Variants in GPC4 observed in about 807,000 individuals in gnomAD.
The protein encoded by GPC4 is glypican 4.
Under a neutral mutation model 35.0 loss-of-function variants are expected in GPC4, and 10 were observed. That is an observed-to-expected ratio of 0.29 (90% CI 0.18 to 0.48). The LOEUF is 0.48. Ranked by LOEUF, GPC4 falls within the 20% of genes least tolerant of loss-of-function variation. The probability of loss-of-function intolerance (pLI) is 0.99; values close to 1 mark genes in which losing one functional copy is unlikely to be tolerated. For missense variants in GPC4, 322 were observed against 451.3 expected (o/e 0.71, Z 2.60); for synonymous variants, 167 against 170.2 (o/e 0.98, Z 0.15).
At chrX:133,315,436 T>G (rs1266681949) in intron 3 of GPC4, among the ~76,000 whole-genome samples, 1 of 110,467 alleles carries the variant, frequency 9.1e-6, no homozygotes, top group Non-Finnish European at 1.9e-5. Flanking sequence ...CTCTCCACAC[T>G]ATTAGGGGCA....
intron 3 of GPC4, among the ~76,000 whole-genome samples, chrX:133,319,842 T>C (rs755325687): frequency 3.2e-4 from 36 of 111,829 alleles, no homozygotes; most frequent in African/African-American, 1.0e-3. Context: ...ATCTCAAATT[T>C]TTTAACTGGC....
chrX:133,323,012 C>G (rs1443235306), intron 3 of GPC4, among the ~76,000 whole-genome samples: 1 of 111,425 alleles, frequency 9.0e-6, no homozygotes, highest in African/African-American at 3.3e-5. Context: ...AGCAGTGGAA[C>G]CCCTTTCCCC....
At chrX:133,309,961 T>C (rs2068307271) in intron 4 of GPC4, among the ~76,000 whole-genome samples, 1 of 112,108 alleles carries the variant, frequency 8.9e-6, no homozygotes, top group Non-Finnish European at 1.9e-5. Flanking sequence ...TGCTTTTCTG[T>C]GTGTAGAAGA....
At chrX:133,330,526 G>GT (rs111833370) in intron 2 of GPC4, among the ~76,000 whole-genome samples, 1 of 111,039 alleles carries the variant, frequency 9.0e-6, no homozygotes, top group Admixed American at 9.6e-5. Context: ...TTTTTTGTTT[G>GT]TTTTTTTAAA....
intron 2 of GPC4, among the ~76,000 whole-genome samples, chrX:133,335,685 A>G (rs888939196): frequency 1.1e-4 from 12 of 112,685 alleles, no homozygotes; most frequent in African/African-American, 3.5e-4. Context: ...AATGATGGAA[A>G]ACTGGGATAA....
intron 1 of GPC4, among the ~76,000 whole-genome samples, chrX:133,365,244 T>A (rs2068584954): frequency 8.9e-6 from 1 of 111,846 alleles, no homozygotes; most frequent in Non-Finnish European, 1.9e-5. Context: ...ACCTAATTTT[T>A]AAAACTTCAT....
intron 3 of GPC4, among the ~76,000 whole-genome samples, chrX:133,318,839 T>G (rs2068350872): frequency 8.9e-6 from 1 of 112,333 alleles, no homozygotes; most frequent in Admixed American, 9.4e-5. Context: ...TGTTACTAAT[T>G]AAAGGGGCTT....
intron 1 of GPC4, among the ~76,000 whole-genome samples, chrX:133,364,260 C>G (rs1391192029): frequency 8.9e-6 from 1 of 111,905 alleles, no homozygotes; most frequent in Non-Finnish European, 1.9e-5. Flanking sequence ...AACCCCCACC[C>G]CAGTATAGGG....
chrX:133,415,327 G>A lies in GPC4; in HGVS notation c.-362C>T, dbSNP rs2068833931. 2 of 207,054 alleles carry A rather than the reference G, an allele frequency of 9.7e-6. No individual in the cohort carries two copies. Among genetic ancestry groups the A allele is most frequent in the East Asian group, 1.3e-4 (1 of 7,694 alleles). The allele number at this position is 207,054 out of a possible 1,213,427, so 17.1% of individuals were successfully genotyped here. ...GGACGCGGGGAAGGAGGGAAGGGTGGCAGGCGCCGCGGGGACCGCAGAGGG... is the reference window on the plus strand; with the variant it reads ...GGACGCGGGGAAGGAGGGAAGGGTGACAGGCGCCGCGGGGACCGCAGAGGG... On this transcript the variant is annotated 5_prime_UTR_variant, in exon 1 of 9. Transcript: ENST00000370828.
intron 1 of GPC4, among the ~76,000 whole-genome samples, chrX:133,398,422 C>T (rs777355022): frequency 8.9e-5 from 10 of 111,761 alleles, no homozygotes; most frequent in East Asian, 5.7e-4. Flanking sequence ...TATACATACC[C>T]CAGCCTCAGG....
At chrX:133,386,856 C>T (rs921505388) in intron 1 of GPC4, among the ~76,000 whole-genome samples, 1 of 111,513 alleles carries the variant, frequency 9.0e-6, no homozygotes, top group Admixed American at 9.6e-5. Context: ...TGCTAATCCA[C>T]CCAATGCTTT....
intron 1 of GPC4, among the ~76,000 whole-genome samples, chrX:133,392,415 G>A (rs2068723691): frequency 9.5e-6 from 1 of 105,615 alleles, no homozygotes; most frequent in African/African-American, 3.5e-5. Context: ...TAACCACACT[G>A]GCGTGGACCC....
chrX:133,322,557 CAA>C (rs11388265), intron 3 of GPC4, among the ~76,000 whole-genome samples: 2 of 99,072 alleles, frequency 2.0e-5, no homozygotes, highest in Admixed American at 1.1e-4. Context: ...GAGACTCTAT[CAA>C]AAAAAAAAAA....
intron 1 of GPC4, among the ~76,000 whole-genome samples, chrX:133,339,890 T>A (rs2068459165): frequency 8.9e-6 from 1 of 112,372 alleles, no homozygotes; most frequent in Non-Finnish European, 1.9e-5. Flanking sequence ...TTATGCTGGA[T>A]AATCTGAGCC....
In GPC4 at chrX:133,403,286, T is replaced by C. The variant is rs376818302; in HGVS notation, c.160+11520A>G. On this transcript the variant is annotated intron_variant, in intron 1 of 8. Coordinates refer to ENST00000370828, the MANE Select transcript of GPC4 (RefSeq NM_001448.3). ...TTCTAAACAACAGAAATTTATTGCT[T>C]GCAGTTCTGGAGGCCAGGAAGTCCA... Among the ~76,000 whole-genome samples the C allele has an allele frequency of 3.6e-5, 4 of 111,760 alleles. No homozygotes were observed. The East Asian group carries it at 8.5e-4, about 24-fold the overall frequency.
At chrX:133,392,641 G>A (rs1165851305) in intron 1 of GPC4, among the ~76,000 whole-genome samples, 1 of 95,567 alleles carries the variant, frequency 1.0e-5, no homozygotes, top group Non-Finnish European at 2.0e-5. Flanking sequence ...AGGCTTTATT[G>A]GCAAACTCCT....
chrX:133,380,913 G>A (rs1478494081), intron 1 of GPC4, among the ~76,000 whole-genome samples: 1 of 112,024 alleles, frequency 8.9e-6, no homozygotes, highest in African/African-American at 3.2e-5. Flanking sequence ...AATATGCAGT[G>A]AGCCCTAGTT....
At chrX:133,308,047 C>T (rs949085483) in intron 4 of GPC4, among the ~76,000 whole-genome samples, 1 of 112,108 alleles carries the variant, frequency 8.9e-6, no homozygotes, top group African/African-American at 3.2e-5. Context: ...AAGAATGCAA[C>T]TGAAGAGCAT....
At chrX:133,408,738 A>G (rs2068799850) in intron 1 of GPC4, among the ~76,000 whole-genome samples, 1 of 111,897 alleles carries the variant, frequency 8.9e-6, no homozygotes, top group African/African-American at 3.3e-5. Flanking sequence ...GTTTCAAAAA[A>G]TAAAAAAAAA....
Sources: gnomAD v4.1 joint callset for allele counts (sites outside exome capture counted in the v4.1 genomes callset) on GRCh38, gnomAD v4.1.1 for gene constraint, MANE v1.5 for transcripts, NCBI Gene and HGNC (gene_info 2026-07-23, HGNC 2026-07-21) for gene names.